The following NOS2 variants were observed in gnomAD, a reference collection of about 807,000 sequenced individuals.
The protein encoded by NOS2 is nitric oxide synthase 2, also known as nitric oxide synthase, inducible.
Under a neutral mutation model 136.0 loss-of-function variants are expected in NOS2, and 96 were observed. The observed-to-expected ratio is 0.71, with a 90% CI of 0.60 to 0.84. The LOEUF (loss-of-function observed/expected upper bound fraction) is 0.84. Ranked by LOEUF, NOS2 falls within the 40% of genes least tolerant of loss-of-function variation. The probability of loss-of-function intolerance (pLI) is 0.00; values close to 1 mark genes in which losing one functional copy is unlikely to be tolerated. For missense variants in NOS2, 1,237 were observed against 1,496.9 expected, an observed-to-expected ratio of 0.83 and a Z score of 2.87; for synonymous variants, 539 against 587.5, an observed-to-expected ratio of 0.92 and a Z score of 1.20.
At position 27,778,744 on chromosome 17, in the gene NOS2, G is replaced by A. The variant is rs747197680; in HGVS notation, c.1227C>T (p.Leu409=). 6.2e-7 allele frequency: 1 copy of A among 1,614,194 alleles called. No homozygotes were observed. The highest frequency in any genetic ancestry group is 1.1e-5 in the South Asian group (1 of 91,080). The part of the protein sequence containing the change: ...MGLETHKLAS[L]WKDQAVVEIN... ...TCTCAACGACAGCCTGGTCTTTCCAGAGCGAGGCCAGCTTGTGCGTTTCCA... is the reference window on the plus strand; with the variant it reads ...TCTCAACGACAGCCTGGTCTTTCCAAAGCGAGGCCAGCTTGTGCGTTTCCA... The change falls in exon 11 of 27, where the codon CTC becomes CTT. Residue 409 remains leucine, a synonymous_variant. Coordinates refer to ENST00000313735, the MANE Select transcript of NOS2 (RefSeq NM_000625.4).
Position 27,760,052 on chromosome 17 carries a change from G to A in NOS2, c.3137C>T (p.Ser1046Phe). Reference sequence around the variant, plus strand: ...TACCTTGGGCTTGCCAGGCAGGCGGGAATAGGCTGTGTGCACCGCATGCAG... The same window carrying A: ...TACCTTGGGCTTGCCAGGCAGGCGGAAATAGGCTGTGTGCACCGCATGCAG... ...GVLHAVHTAY[S>F]RLPGKPKVYV... The change falls in exon 25 of 27, where the codon TCC becomes TTC. Residue 1046 changes from serine (S) to phenylalanine (F), a missense_variant. This residue lies in a region of NOS2 where 782 missense variants were observed against 909.9 expected (regional missense o/e 0.86). Transcript: ENST00000313735. 1.3e-6 allele frequency: 2 copies of A among 1,565,504 alleles called. No homozygotes were observed. Among genetic ancestry groups the A allele is most frequent in the South Asian group, 2.4e-5 (2 of 84,172 alleles).
chr17:27,767,586 G>C, intron 18 of NOS2, 119 bp downstream of exon 18: 2 of 1,217,386 alleles, frequency 1.6e-6, no homozygotes, highest in South Asian at 1.5e-5. Flanking sequence ...CATGCAGTGA[G>C]AGGGAGGCCC....
intron 4 of NOS2, among the ~76,000 whole-genome samples, chr17:27,788,334 T>G (rs1427107435): frequency 1.3e-5 from 2 of 152,150 alleles, no homozygotes; most frequent in East Asian, 3.9e-4. Context: ...AACCATAGAA[T>G]GTATCCTGAA....
At chr17:27,776,055 G>A (rs1908647946) in intron 11 of NOS2, among the ~76,000 whole-genome samples, 1 of 152,150 alleles carries the variant, frequency 6.6e-6, no homozygotes, top group Non-Finnish European at 1.5e-5. Flanking sequence ...GCTGGGGAAG[G>A]GCAGAAGAGA....
At position 27,787,616 on chromosome 17, in the gene NOS2, G is replaced by T. The variant is rs116889920; in HGVS notation, c.467+62C>A. The T allele has an allele frequency of 1.1e-3, 1,421 of 1,265,414 alleles. 43 individuals are homozygous for T. The East Asian group carries it at 0.034, about 30-fold the overall frequency. 78.4% of individuals were successfully genotyped at this position (1,265,414 alleles called of 1,614,324 possible). ...TCTAGCTAGGATCAGAGGGTGATGGGTAGAGACAGGAGAGCAGGAGGAAGG... is the reference window on the plus strand; with the variant it reads ...TCTAGCTAGGATCAGAGGGTGATGGTTAGAGACAGGAGAGCAGGAGGAAGG... On this transcript the variant is annotated intron_variant, in intron 5 of 26. Coordinates refer to ENST00000313735, the MANE Select transcript of NOS2 (RefSeq NM_000625.4).
chr17:27,760,319 A>G, intron 24 of NOS2, 141 bp from the exon 25 acceptor site: 1 of 909,770 alleles, frequency 1.1e-6, no homozygotes, highest in Non-Finnish European at 1.6e-6. Flanking sequence ...ACTGAGGCCC[A>G]GCGCATTCAG....
chr17:27,771,611 C>A (rs1908497907), intron 14 of NOS2, among the ~76,000 whole-genome samples: 1 of 152,282 alleles, frequency 6.6e-6, no homozygotes, highest in African/African-American at 2.4e-5. Context: ...CTCATCCCAT[C>A]GTGGCATTAC....
At chr17:27,793,858 T>A in intron 2 of NOS2, 3 of 369,076 alleles carry the variant, frequency 8.1e-6, no homozygotes. Context: ...CCTCCTTCCC[T>A]GCCTTCCCCG....
chr17:27,789,511 T>G (rs1909125873), intron 3 of NOS2, 93 bp downstream of exon 3: 1 of 991,464 alleles, frequency 1.0e-6, no homozygotes, highest in Non-Finnish European at 1.6e-6. Flanking sequence ...CCTGGCTTCC[T>G]GCCCTCTCCA....
At position 27,789,691 on chromosome 17, in the gene NOS2, G is replaced by A. The variant is rs753111579; in HGVS notation, c.111-3C>T. 6 of 1,611,880 alleles carry A rather than the reference G, an allele frequency of 3.7e-6. No homozygotes were observed. Among genetic ancestry groups the A allele is most frequent in the African/African-American group, 2.7e-5 (2 of 74,874 alleles). ...GAAGGTCATCCTGTGTCACTGGACT[G>A]TGAAAGGAAACAGCTAGCATGAGAT... On this transcript the variant is annotated splice_polypyrimidine_tract_variant and splice_region_variant and intron_variant, in intron 2 of 26. Transcript: ENST00000313735.
intron 26 of NOS2, among the ~76,000 whole-genome samples, chr17:27,757,555 T>G (rs979966431): frequency 6.6e-6 from 1 of 152,136 alleles, no homozygotes; most frequent in African/African-American, 2.4e-5. Flanking sequence ...CTCCAAAGCT[T>G]TACTTAGCAT....
chr17:27,792,438 C>A (rs1295948310), intron 2 of NOS2, among the ~76,000 whole-genome samples: 1 of 152,172 alleles, frequency 6.6e-6, no homozygotes, highest in African/African-American at 2.4e-5. Context: ...CATAATTGGA[C>A]AATTCTTTAA....
chr17:27,783,186 A>G (rs1908908398), intron 5 of NOS2, 80 bp from the exon 6 acceptor site: 1 of 1,496,030 alleles, frequency 6.7e-7, no homozygotes, highest in Non-Finnish European at 9.2e-7. Flanking sequence ...AGAAGCAGGA[A>G]CTGAAATAGG....
intron 2 of NOS2, among the ~76,000 whole-genome samples, chr17:27,791,792 C>G (rs151022038): frequency 1.7e-5 from 2 of 118,586 alleles, no homozygotes; most frequent in Non-Finnish European, 3.8e-5. Context: ...CAAAACAAAA[C>G]AAAACAAAAC....
intron 4 of NOS2, 112 bp downstream of exon 4, chr17:27,788,697 C>A: frequency 7.3e-7 from 1 of 1,374,898 alleles, no homozygotes; most frequent in South Asian, 1.5e-5. Flanking sequence ...ACCCCTTTGC[C>A]CAAGCAGATG....
rs747552158 is a variant in NOS2, at chr17:27,761,147, C to T, written c.2885G>A (p.Arg962Gln). The T allele has an allele frequency of 1.0e-5, 16 of 1,593,434 alleles. No individual in the cohort carries two copies. The highest frequency in any genetic ancestry group is 1.3e-5 in the African/African-American group (1 of 74,600). The change falls in exon 23 of 27, where the codon CGG (arginine) becomes CAG (glutamine). Residue 962 changes from arginine to glutamine, a missense_variant. Arg to Gln is a conservative substitution (Grantham distance 43). Transcript: ENST00000313735. ...ACAGAGTGGAAGGGGTGCTTACTTC[C>T]GCACAAAGCAGGGCACTGGGTCTTG... Reference protein sequence around the residue: ...KPQDPVPCFVRNASGFHLPED... With the variant: ...KPQDPVPCFVQNASGFHLPED...
intron 24 of NOS2, among the ~76,000 whole-genome samples, 178 bp downstream of exon 24, chr17:27,760,445 C>T (rs1908080616): frequency 6.6e-6 from 1 of 152,222 alleles, no homozygotes; most frequent in Admixed American, 6.5e-5. Flanking sequence ...GGAGCCCTGG[C>T]TACTATGCGG....
intron 18 of NOS2, among the ~76,000 whole-genome samples, chr17:27,767,237 G>T (rs886150096): frequency 2.6e-5 from 4 of 152,154 alleles, no homozygotes; most frequent in African/African-American, 7.2e-5. Flanking sequence ...GGTGCAGAGT[G>T]GAGAGTTCAC....
rs748402618 is a variant in NOS2, at chr17:27,756,964, A to C, written c.*282T>G. 3 of 393,316 alleles carry C rather than the reference A, an allele frequency of 7.6e-6. No individual in the cohort carries two copies. Among genetic ancestry groups the C allele is most frequent in the African/African-American group, 2.1e-5 (1 of 48,534 alleles). The allele number at this position is 393,316 out of a possible 1,614,324, so 24.4% of individuals were successfully genotyped here. A position where few individuals can be genotyped will look rare whatever the true frequency, so the allele number is the denominator to read the frequency against. The stretch of plus-strand genomic sequence containing the variant: ...CACTTGAAGTGGTGCACTCAGCAGC[A>C]AGTTCCATCTTTCACCCACTTGCCA... On this transcript the variant is annotated 3_prime_UTR_variant, in exon 27 of 27. Transcript: ENST00000313735.
Sources: gnomAD v4.1 joint callset for allele counts (sites outside exome capture counted in the v4.1 genomes callset) on GRCh38, gnomAD v4.1.1 for gene constraint, gnomAD v4.1.1 regional missense constraint, MANE v1.5 for transcripts, NCBI Gene and HGNC (gene_info 2026-07-23, HGNC 2026-07-21) for gene names.